Variants in SKIC3 observed in about 807,000 individuals in gnomAD.
The protein encoded by SKIC3 is superkiller complex protein 3.
At chr5:95,537,989 A>T in the SKIC3 span, among the ~76,000 whole-genome samples, 1 of 152,302 alleles carries the variant, frequency 6.6e-6, no homozygotes, top group East Asian at 1.9e-4. Flanking sequence ...AAAGATTTTT[A>T]AAAACAGTAA....
the SKIC3 span, chr5:95,497,269 T>C: frequency 1.3e-6 from 1 of 772,004 alleles, no homozygotes; most frequent in Non-Finnish European, 2.2e-6. Flanking sequence ...ATTCGTTGAA[T>C]GACTAATGGA....
At chr5:95,540,811 T>C in the SKIC3 span, 1 of 1,614,156 alleles carries the variant, frequency 6.2e-7, no homozygotes, top group African/African-American at 1.3e-5. Flanking sequence ...TTTTATCAAC[T>C]TGTGCCATGT....
chr5:95,466,322 A>C, the SKIC3 span, among the ~76,000 whole-genome samples: 1 of 152,218 alleles, frequency 6.6e-6, no homozygotes, highest in Non-Finnish European at 1.5e-5. Flanking sequence ...TTTAAAGATA[A>C]TACGAACATT....
At chr5:95,513,315 T>G in the SKIC3 span, 1 of 432,552 alleles carries the variant, frequency 2.3e-6, no homozygotes. Context: ...TCAATCCTCC[T>G]GCCTCAGCCT....
chr5:95,543,217 A>G, the SKIC3 span: 2 of 1,614,090 alleles, frequency 1.2e-6, no homozygotes, highest in Non-Finnish European at 1.7e-6. Flanking sequence ...GCTCTAATTC[A>G]GCAGCTTTTT....
At chr5:95,540,741 A>G in the SKIC3 span, 1 of 1,614,126 alleles carries the variant, frequency 6.2e-7, no homozygotes, top group South Asian at 1.1e-5. Context: ...CCAGGAACTG[A>G]GTCAATTTTC....
chr5:95,518,437 C>A, the SKIC3 span, among the ~76,000 whole-genome samples: 1 of 151,988 alleles, frequency 6.6e-6, no homozygotes, highest in African/African-American at 2.4e-5. Flanking sequence ...TGTCCTTTAA[C>A]AAGTATTACC....
At chr5:95,502,024 A>G in the SKIC3 span, among the ~76,000 whole-genome samples, 1 of 152,214 alleles carries the variant, frequency 6.6e-6, no homozygotes, top group Non-Finnish European at 1.5e-5. Flanking sequence ...GGCACAGGAT[A>G]GGACAAAGGC....
At chr5:95,484,984 A>G in the SKIC3 span, 1 of 885,892 alleles carries the variant, frequency 1.1e-6, no homozygotes, top group Non-Finnish European at 1.8e-6. Flanking sequence ...CACATGTACC[A>G]TAGACTATCC....
the SKIC3 span, among the ~76,000 whole-genome samples, chr5:95,482,260 C>T: frequency 6.6e-6 from 1 of 152,104 alleles, no homozygotes; most frequent in Non-Finnish European, 1.5e-5. Context: ...GAATCAATAA[C>T]TTAAAAAGCT....
chr5:95,466,125 T>C, the SKIC3 span, among the ~76,000 whole-genome samples: 2 of 152,218 alleles, frequency 1.3e-5, no homozygotes, highest in Non-Finnish European at 2.9e-5. Context: ...TCATTGTGTT[T>C]TTAAAATTGT....
the SKIC3 span, among the ~76,000 whole-genome samples, chr5:95,479,268 A>G: frequency 6.6e-6 from 1 of 152,214 alleles, no homozygotes; most frequent in Non-Finnish European, 1.5e-5. Context: ...AAAAGTATAA[A>G]AGACCTCTAG....
chr5:95,541,275 T>C, the SKIC3 span: 15 of 1,608,798 alleles, frequency 9.3e-6, no homozygotes, highest in East Asian at 2.2e-5. Context: ...CCATCTATTA[T>C]TAAAAGAAGT....
the SKIC3 span, among the ~76,000 whole-genome samples, chr5:95,546,632 C>A: frequency 6.6e-6 from 1 of 152,178 alleles, no homozygotes; most frequent in Non-Finnish European, 1.5e-5. Flanking sequence ...CCTACCACTA[C>A]CCTCTGTCTC....
the SKIC3 span, among the ~76,000 whole-genome samples, chr5:95,553,750 G>T: frequency 6.6e-6 from 1 of 152,052 alleles, no homozygotes; most frequent in South Asian, 2.1e-4. Flanking sequence ...GTAGAGACGG[G>T]GTTTCACCAT....
the SKIC3 span, chr5:95,543,126 T>C: frequency 6.3e-7 from 1 of 1,599,802 alleles, no homozygotes; most frequent in South Asian, 1.1e-5. Flanking sequence ...ACCTGTATTT[T>C]GAAAAATGCA....
At chr5:95,526,137 TCA>T in the SKIC3 span, among the ~76,000 whole-genome samples, 2 of 152,202 alleles carry the variant, frequency 1.3e-5, no homozygotes, top group Non-Finnish European at 2.9e-5. Flanking sequence ...ATCAAATTTC[TCA>T]GTTGTCTCAT....
At chr5:95,523,695 C>T in the SKIC3 span, 25 of 1,613,446 alleles carry the variant, frequency 1.5e-5, no homozygotes, top group South Asian at 2.6e-4. Context: ...TGCTGCAGCT[C>T]CAGATTCAGC....
the SKIC3 span, among the ~76,000 whole-genome samples, chr5:95,522,928 C>G: frequency 6.6e-6 from 1 of 152,098 alleles, no homozygotes; most frequent in Non-Finnish European, 1.5e-5. Context: ...AGATATGTAC[C>G]TCAGCTTCTC....
Sources: gnomAD v4.1 joint callset for allele counts (sites outside exome capture counted in the v4.1 genomes callset) on GRCh38, gnomAD v4.1.1 for gene constraint, MANE v1.5 for transcripts, NCBI Gene and HGNC (gene_info 2026-07-23, HGNC 2026-07-21) for gene names.